The following RIMBP2 variants were observed in gnomAD, a reference collection of about 807,000 sequenced individuals.
RIMBP2 encodes the protein RIMS binding protein 2, also known as RIMS-binding protein 2.
In RIMBP2, 48 loss-of-function variants were observed where a neutral mutation model predicts 118.6. The observed-to-expected ratio is 0.40, with a 90% confidence interval of 0.32 to 0.51. RIMBP2 has a LOEUF of 0.51. RIMBP2 is among the 20% of genes least tolerant of loss of function. The pLI, the probability that RIMBP2 is intolerant of heterozygous loss-of-function variation, is 0.41. For missense variants in RIMBP2, 1,551 were observed against 1,768.3 expected (o/e 0.88, Z 2.20); for synonymous variants, 762 against 742.9 (o/e 1.03, Z -0.42).
chr12:130,626,977 A>G (rs1204421191), intron 2 of RIMBP2, among the ~76,000 whole-genome samples: 1 of 151,468 alleles, frequency 6.6e-6, no homozygotes, highest in Admixed American at 6.6e-5. Context: ...CAGCATCACC[A>G]TCATCTTCTC....
chr12:130,579,070 T>C (rs570683818), intron 2 of RIMBP2, among the ~76,000 whole-genome samples: 3 of 152,198 alleles, frequency 2.0e-5, no homozygotes, highest in African/African-American at 7.2e-5. Context: ...GAGGAAGGGG[T>C]GGGGCATCGT....
intron 1 of RIMBP2, among the ~76,000 whole-genome samples, chr12:130,632,313 G>T (rs984592275): frequency 6.6e-6 from 1 of 152,128 alleles, no homozygotes; most frequent in African/African-American, 2.4e-5. Flanking sequence ...AAGGAATCAT[G>T]TTCTCTCAGA....
chr12:130,665,070 C>A (rs374848134), intron 1 of RIMBP2, among the ~76,000 whole-genome samples: 1 of 151,824 alleles, frequency 6.6e-6, no homozygotes, highest in South Asian at 2.1e-4. Context: ...TACCACAACT[C>A]CTGGCTTCAC....
chr12:130,628,582 C>T (rs2061785329), intron 1 of RIMBP2, 126 bp from the exon 2 acceptor site: 1 of 152,200 alleles, frequency 6.6e-6, no homozygotes, highest in African/African-American at 2.4e-5. Flanking sequence ...TACCATTTTC[C>T]AGTTCAGAAC....
At chr12:130,629,297 A>C (rs2140935315) in intron 1 of RIMBP2, among the ~76,000 whole-genome samples, 1 of 152,344 alleles carries the variant, frequency 6.6e-6, no homozygotes, top group Middle Eastern at 3.4e-3. Context: ...AATTCAATTT[A>C]TTTCAATTTA....
At chr12:130,496,806 T>G (rs2049211208) in intron 4 of RIMBP2, among the ~76,000 whole-genome samples, 1 of 152,076 alleles carries the variant, frequency 6.6e-6, no homozygotes, top group Non-Finnish European at 1.5e-5. Flanking sequence ...ACTGCTGTCC[T>G]CTCCCTGAGG....
At chr12:130,427,945 C>T (rs1053905574) in intron 15 of RIMBP2, 128 of 410,920 alleles carry the variant, frequency 3.1e-4, no homozygotes, top group Non-Finnish European at 4.7e-4. Context: ...CTGGAGGGTG[C>T]CAAATAGATT....
At chr12:130,671,346 C>T in intron 1 of RIMBP2, among the ~76,000 whole-genome samples, 1 of 152,138 alleles carries the variant, frequency 6.6e-6, no homozygotes, top group East Asian at 1.9e-4. Context: ...GAGGATGTCC[C>T]TAACATCTCT....
intron 4 of RIMBP2, among the ~76,000 whole-genome samples, chr12:130,481,055 G>A (rs1194786758): frequency 2.0e-5 from 3 of 152,256 alleles, no homozygotes; most frequent in African/African-American, 4.8e-5. Flanking sequence ...CTGGCAGGGG[G>A]GAGGCGAGGG....
rs1233899623 is a variant in RIMBP2, at chr12:130,424,658, C to T, written c.2613G>A (p.Arg871=). ...GAGGGGCCTCGTCGCCCCTGTAGGGCCTGCCGGGCCTGGGCTCTCTGGCCA... is the reference window on the plus strand; with the variant it reads ...GAGGGGCCTCGTCGCCCCTGTAGGGTCTGCCGGGCCTGGGCTCTCTGGCCA... ...TGLAREPRPG[R]PYRGDEAPRG... Residue 871 remains arginine, a synonymous_variant, in exon 16 of 23, where the codon AGG becomes AGA. Transcript: ENST00000690449. This position sits in a 1 kb window ranked among gnomAD's most constrained non-coding sequence, Gnocchi z 9.8. 15 of 1,231,922 alleles carry T rather than the reference C, an allele frequency of 1.2e-5. No individual in the cohort carries two copies. The East Asian group carries it at 2.8e-4, about 23-fold the overall frequency. 76.3% of individuals were successfully genotyped at this position (1,231,922 alleles called of 1,614,324 possible).
At chr12:130,695,838 G>C (rs939974109) in intron 1 of RIMBP2, among the ~76,000 whole-genome samples, 4 of 151,964 alleles carry the variant, frequency 2.6e-5, no homozygotes, top group Non-Finnish European at 5.9e-5. Flanking sequence ...TGAAAGTTTA[G>C]AGACGTCCAG....
chr12:130,506,610 A>T, intron 4 of RIMBP2, 38 bp downstream of exon 4: 1 of 985,608 alleles, frequency 1.0e-6, no homozygotes, highest in Non-Finnish European at 1.2e-6. Flanking sequence ...GACCTCACAA[A>T]GAGCAGAAGC....
intron 2 of RIMBP2, among the ~76,000 whole-genome samples, chr12:130,560,695 C>G (rs1566264604): frequency 6.6e-6 from 1 of 152,200 alleles, no homozygotes; most frequent in Non-Finnish European, 1.5e-5. Context: ...TGTGTCTTAA[C>G]CAAATGGAAC....
At chr12:130,510,726 C>T (rs1469681656) in intron 3 of RIMBP2, among the ~76,000 whole-genome samples, 1 of 152,160 alleles carries the variant, frequency 6.6e-6, no homozygotes, top group African/African-American at 2.4e-5. Context: ...ACTTCGGCCT[C>T]CCGAAGTGCT....
At chr12:130,536,225 G>A (rs1366406466) in intron 2 of RIMBP2, among the ~76,000 whole-genome samples, 10 of 152,082 alleles carry the variant, frequency 6.6e-5, no homozygotes, top group Admixed American at 5.2e-4. Flanking sequence ...CGGAGCTGGG[G>A]GACAGGTTCT....
rs547277091 is a variant in RIMBP2 at position 130,401,978 on chromosome 12, C to G, written c.3766-2165G>C. On this transcript the variant is annotated intron_variant, in intron 21 of 22. Transcript: ENST00000690449. ...TGCAGAGGCTCCTGTAGAGCCAGGC[C>G]TCCAGGCCAGCCCCTGCTCTGGCTG... 8.5e-4 allele frequency among the ~76,000 whole-genome samples: 129 copies of G among 152,332 alleles called. 4 individuals are homozygous for G. In the South Asian group the frequency reaches 0.025, roughly 30 times the overall value.
intron 6 of RIMBP2, among the ~76,000 whole-genome samples, chr12:130,462,584 C>G (rs2080099478): frequency 1.3e-5 from 2 of 152,360 alleles, no homozygotes; most frequent in East Asian, 3.9e-4. Flanking sequence ...TAGTGAGGCC[C>G]TGCTCCTGCG....
chr12:130,701,254 AG>A (rs1417975904), intron 1 of RIMBP2, among the ~76,000 whole-genome samples: 1 of 152,202 alleles, frequency 6.6e-6, no homozygotes, highest in African/African-American at 2.4e-5. Flanking sequence ...TCACGCTGTA[AG>A]CCCCCCTAAC....
At chr12:130,464,637 C>G (rs7307869) in intron 6 of RIMBP2, among the ~76,000 whole-genome samples, 143,430 of 152,294 alleles carry the variant, frequency 0.94, 68,156 homozygotes, top group East Asian at 1. Flanking sequence ...GAGACCTCCC[C>G]GGTAAGTTGG....
Sources: allele counts gnomAD v4.1 joint callset (sites outside exome capture counted in the v4.1 genomes callset), GRCh38; gene constraint gnomAD v4.1.1; non-coding constraint Gnocchi (gnomAD v3.1); transcripts MANE v1.5; gene names NCBI Gene and HGNC (gene_info 2026-07-23, HGNC 2026-07-21).